Variants in KCNIP4 observed in about 807,000 individuals in gnomAD.
KCNIP4 encodes the protein potassium voltage-gated channel interacting protein 4.
A neutral mutation model predicts 34.0 loss-of-function variants in KCNIP4; 12 were observed. The observed-to-expected ratio is 0.35, with a 90% CI of 0.23 to 0.57. The LOEUF (loss-of-function observed/expected upper bound fraction) is 0.57, where lower values mean the gene tolerates loss of function less well. Among genes scored for constraint, KCNIP4 ranks in the 20% least tolerant of loss-of-function variants. The probability of loss-of-function intolerance (pLI) is 0.83; values close to 1 mark genes in which losing one functional copy is unlikely to be tolerated. For missense variants in KCNIP4, 238 were observed against 311.7 expected (o/e 0.76, Z 1.78); for synonymous variants, 124 against 102.2 (o/e 1.21, Z -1.29).
intron 5 of KCNIP4, among the ~76,000 whole-genome samples, chr4:20,742,430 T>C (rs757285902): frequency 1.4e-4 from 21 of 152,144 alleles, no homozygotes; most frequent in Admixed American, 1.1e-3. Flanking sequence ...AATCAATAAA[T>C]GTAATCCATC....
chr4:20,864,087 T>TACAC (rs376528806), intron 2 of KCNIP4, among the ~76,000 whole-genome samples: 5,473 of 139,600 alleles, frequency 0.039, 266 homozygotes, highest in Non-Finnish European at 0.059. Flanking sequence ...TATGTATGTA[T>TACAC]ATGCATGTAT....
intron 3 of KCNIP4, among the ~76,000 whole-genome samples, chr4:20,780,160 T>G (rs1756746874): frequency 6.6e-6 from 1 of 152,132 alleles, no homozygotes; most frequent in Non-Finnish European, 1.5e-5. Flanking sequence ...AGGTCTTGCT[T>G]GCAGAATCAA....
intron 3 of KCNIP4, among the ~76,000 whole-genome samples, chr4:20,848,562 C>T (rs1011201320): frequency 8.6e-5 from 13 of 151,824 alleles, no homozygotes; most frequent in African/African-American, 3.1e-4. Flanking sequence ...TTGTGAAGTG[C>T]CACTTGTATT....
chr4:21,558,822 G>T (rs1485934079), intron 1 of KCNIP4, among the ~76,000 whole-genome samples: 1 of 152,154 alleles, frequency 6.6e-6, no homozygotes, highest in Admixed American at 6.6e-5. Flanking sequence ...GTAATGTTAA[G>T]ACTTTATTGA....
At chr4:21,822,778 C>G (rs987372739) in intron 1 of KCNIP4, among the ~76,000 whole-genome samples, 1 of 143,468 alleles carries the variant, frequency 7.0e-6, no homozygotes, top group Non-Finnish European at 1.5e-5. Context: ...AGCGCGGTGG[C>G]GCAATCTTGG....
chr4:21,414,876 G>A (rs1450129139), intron 1 of KCNIP4, among the ~76,000 whole-genome samples: 1 of 151,920 alleles, frequency 6.6e-6, no homozygotes, highest in East Asian at 1.9e-4. Flanking sequence ...TTTGATACGG[G>A]CATACAATGC....
intron 1 of KCNIP4, among the ~76,000 whole-genome samples, chr4:21,894,415 T>C (rs1272289644): frequency 6.6e-6 from 1 of 152,142 alleles, no homozygotes; most frequent in East Asian, 1.9e-4. Flanking sequence ...TCTTAGAAAC[T>C]TGCTTATAGT....
At chr4:21,908,418 C>A (rs747079138) in intron 1 of KCNIP4, among the ~76,000 whole-genome samples, 3 of 152,140 alleles carry the variant, frequency 2.0e-5, no homozygotes, top group Non-Finnish European at 4.4e-5. Flanking sequence ...AGATCAAATT[C>A]CCCTGTGATG....
chr4:21,940,485 G>A (rs115987133), intron 1 of KCNIP4, among the ~76,000 whole-genome samples: 4 of 152,222 alleles, frequency 2.6e-5, no homozygotes, highest in Non-Finnish European at 5.9e-5. Context: ...TCCTCAACTT[G>A]ACTATCAATG....
At chr4:20,938,136 T>C (rs1007036733) in intron 1 of KCNIP4, among the ~76,000 whole-genome samples, 10 of 151,972 alleles carry the variant, frequency 6.6e-5, no homozygotes, top group Non-Finnish European at 1.3e-4. Flanking sequence ...GAATGCTAAA[T>C]GGAGCTCTTG....
At chr4:21,295,724 C>T (rs1763802444) in intron 1 of KCNIP4, among the ~76,000 whole-genome samples, 1 of 152,140 alleles carries the variant, frequency 6.6e-6, no homozygotes, top group Admixed American at 6.6e-5. Flanking sequence ...TGATAAATAA[C>T]ACCCTGTTTC....
At chr4:20,769,113 AC>A (rs1381977603) in intron 3 of KCNIP4, among the ~76,000 whole-genome samples, 3 of 151,426 alleles carry the variant, frequency 2.0e-5, no homozygotes, top group African/African-American at 7.3e-5. Context: ...CAGCTCTACT[AC>A]TAATGAAGAA....
At chr4:21,094,381 A>T (rs757882242) in intron 1 of KCNIP4, among the ~76,000 whole-genome samples, 1 of 152,214 alleles carries the variant, frequency 6.6e-6, no homozygotes, top group Non-Finnish European at 1.5e-5. Flanking sequence ...TAAGATCTGA[A>T]TTGTACACAA....
intron 1 of KCNIP4, among the ~76,000 whole-genome samples, chr4:20,980,224 A>T (rs1158234577): frequency 6.6e-6 from 1 of 152,138 alleles, no homozygotes; most frequent in Non-Finnish European, 1.5e-5. Context: ...GGGCACTTTA[A>T]TGTTCATCTT....
intron 1 of KCNIP4, among the ~76,000 whole-genome samples, chr4:21,945,955 C>T (rs891020842): frequency 6.7e-6 from 1 of 150,194 alleles, no homozygotes; most frequent in African/African-American, 2.5e-5. Flanking sequence ...TTTCTGTCCT[C>T]TCTGGCATTA....
intron 1 of KCNIP4, among the ~76,000 whole-genome samples, chr4:21,922,516 T>C (rs983506674): frequency 7.9e-5 from 12 of 152,226 alleles, no homozygotes; most frequent in Non-Finnish European, 1.8e-4. Context: ...GTTTTAAGAT[T>C]AATCAGAAAA....
intron 4 of KCNIP4, among the ~76,000 whole-genome samples, chr4:20,751,807 T>C (rs1753685318): frequency 6.6e-6 from 1 of 152,206 alleles, no homozygotes; most frequent in East Asian, 1.9e-4. Flanking sequence ...TACACTAATG[T>C]GGTACAGAGG....
intron 1 of KCNIP4, among the ~76,000 whole-genome samples, chr4:21,012,838 G>C (rs1464998043): frequency 6.6e-6 from 1 of 152,168 alleles, no homozygotes; most frequent in Admixed American, 6.5e-5. Context: ...TTGGTGATGG[G>C]ATAATGACCA....
At chr4:20,779,352 A>C (rs1756646418) in intron 3 of KCNIP4, among the ~76,000 whole-genome samples, 1 of 152,082 alleles carries the variant, frequency 6.6e-6, no homozygotes, top group Non-Finnish European at 1.5e-5. Flanking sequence ...CAAGATTATC[A>C]AGCTGAGTGT....
Sources: gnomAD v4.1 joint callset for allele counts (sites outside exome capture counted in the v4.1 genomes callset) on GRCh38, gnomAD v4.1.1 for gene constraint, MANE v1.5 for transcripts, NCBI Gene and HGNC (gene_info 2026-07-23, HGNC 2026-07-21) for gene names.